Variants in INTS7 observed in about 807,000 individuals in gnomAD.
The protein encoded by INTS7 is integrator complex subunit 7, also known as chromosome 1 open reading frame 73.
In INTS7, 46 loss-of-function variants were observed where a neutral mutation model predicts 109.2. The ratio of observed to expected loss-of-function variants is 0.42; its 90% CI spans 0.33 to 0.54. INTS7 has a LOEUF of 0.54. Ranked by LOEUF, INTS7 falls within the 20% of genes least tolerant of loss-of-function variation. The pLI is 0.07. For missense variants in INTS7, 929 were observed against 1,132.4 expected (o/e 0.82, Z 2.58); for synonymous variants, 412 against 402.9 (o/e 1.02, Z -0.27).
intron 7 of INTS7, among the ~76,000 whole-genome samples, chr1:211,989,451 G>A (rs914847739): frequency 6.6e-6 from 1 of 151,396 alleles, no homozygotes; most frequent in South Asian, 2.1e-4. Context: ...ACAATACAAA[G>A]TAAAAAGATA....
Position 211,982,822 on chromosome 1 carries a change from G to A in INTS7, c.998-12C>T, listed in dbSNP as rs949669648. Reference sequence around the variant, plus strand: ...AGAACTCACATTTCCTAAAAAAGCAGAGAAAAGTAGTAGAAATTGTAATTC... The same window carrying A: ...AGAACTCACATTTCCTAAAAAAGCAAAGAAAAGTAGTAGAAATTGTAATTC... On this transcript the variant is annotated splice_polypyrimidine_tract_variant and intron_variant, in intron 8 of 19. Coordinates refer to ENST00000366994, the MANE Select transcript of INTS7 (RefSeq NM_015434.4). The A allele has an allele frequency of 1.3e-6, 2 of 1,593,606 alleles. No individual in the cohort carries two copies. The highest frequency in any genetic ancestry group is 2.7e-5 in the African/African-American group (2 of 74,046).
chr1:212,020,986 G>A (rs571987230), intron 2 of INTS7, 97 bp downstream of exon 2: 9 of 1,107,312 alleles, frequency 8.1e-6, no homozygotes, highest in African/African-American at 3.2e-5. Flanking sequence ...TAACTAACCA[G>A]GTGGAAGTAC....
At chr1:212,012,114 G>A (rs1434751991) in intron 4 of INTS7, among the ~76,000 whole-genome samples, 1 of 152,114 alleles carries the variant, frequency 6.6e-6, no homozygotes, top group Non-Finnish European at 1.5e-5. Flanking sequence ...TGGAGTGGAC[G>A]TGCTTCAGTT....
At position 211,983,581 on chromosome 1, in the gene INTS7, C is replaced by T. The variant is rs533291153; in HGVS notation, c.998-771G>A. Among the ~76,000 whole-genome samples the T allele has an allele frequency of 4.6e-5, 7 of 152,296 alleles. No homozygotes were observed. The South Asian group carries it at 1.4e-3, about 32-fold the overall frequency. ...CTTCAAGAAAACAAGGAGATTAGGG[C>T]TTGTTCAACTACTTAAAAGAGTCTC... On this transcript the variant is annotated intron_variant, in intron 8 of 19. Coordinates refer to ENST00000366994, the MANE Select transcript of INTS7 (RefSeq NM_015434.4).
intron 7 of INTS7, among the ~76,000 whole-genome samples, chr1:211,996,454 C>G (rs914528437): frequency 6.6e-6 from 1 of 151,804 alleles, no homozygotes; most frequent in African/African-American, 2.4e-5. Context: ...AAAATGTCTT[C>G]TTTTCAAACC....
chr1:212,008,674 G>A (rs1666040478), intron 5 of INTS7, among the ~76,000 whole-genome samples: 1 of 152,060 alleles, frequency 6.6e-6, no homozygotes. Flanking sequence ...GTATTAATAA[G>A]GCTCAAAGAG....
chr1:212,003,445 A>G (rs1382455003), intron 7 of INTS7, among the ~76,000 whole-genome samples: 2 of 152,178 alleles, frequency 1.3e-5, no homozygotes, highest in Non-Finnish European at 2.9e-5. Flanking sequence ...ATTGAGGACA[A>G]AATGAAAGCA....
chr1:212,016,699 T>C (rs1489987559), intron 4 of INTS7, among the ~76,000 whole-genome samples, 187 bp downstream of exon 4: 2 of 152,248 alleles, frequency 1.3e-5, no homozygotes, highest in South Asian at 2.1e-4. Context: ...ACATTTGTAC[T>C]TACATTTTCC....
At chr1:212,013,467 T>C (rs1320195499) in intron 4 of INTS7, among the ~76,000 whole-genome samples, 1 of 152,226 alleles carries the variant, frequency 6.6e-6, no homozygotes, top group East Asian at 1.9e-4. Flanking sequence ...AGTTAAAAAG[T>C]TATAGCAAGG....
At chr1:211,984,725 G>C (rs1018889006) in intron 8 of INTS7, among the ~76,000 whole-genome samples, 2 of 152,106 alleles carry the variant, frequency 1.3e-5, no homozygotes, top group African/African-American at 4.8e-5. Context: ...AATGTTATCA[G>C]CTTCTTGTGT....
chr1:212,000,783 C>T (rs3009994), intron 7 of INTS7, among the ~76,000 whole-genome samples: 6,575 of 152,192 alleles, frequency 0.043, 190 homozygotes, highest in African/African-American at 0.074. Context: ...TCACAAGAGA[C>T]TTTCTATAAC....
chr1:211,951,603 G>A (rs1663095408), intron 17 of INTS7, among the ~76,000 whole-genome samples: 1 of 152,144 alleles, frequency 6.6e-6, no homozygotes, highest in East Asian at 1.9e-4. Flanking sequence ...ACCGCACCCG[G>A]CCAGGATGAG....
intron 13 of INTS7, among the ~76,000 whole-genome samples, chr1:211,973,918 C>G (rs919677979): frequency 3.3e-5 from 5 of 152,104 alleles, no homozygotes; most frequent in Non-Finnish European, 2.9e-5. Flanking sequence ...ATGGCAGAAC[C>G]AAGACTAAGA....
chr1:212,032,787 T>TTATCTTTC (rs1667231268), intron 1 of INTS7, among the ~76,000 whole-genome samples: 1 of 152,134 alleles, frequency 6.6e-6, no homozygotes, highest in South Asian at 2.1e-4. Flanking sequence ...CTGACTCTGG[T>TTATCTTTC]TATCTTTCTA....
chr1:211,945,024 A>G (rs2993540), intron 18 of INTS7, 55 bp from the exon 19 acceptor site: 56,278 of 1,548,050 alleles, frequency 0.036, 1,233 homozygotes, highest in African/African-American at 0.075. Flanking sequence ...CTTCCTTCCG[A>G]CAAACATGTC....
intron 7 of INTS7, among the ~76,000 whole-genome samples, chr1:211,994,423 C>CT (rs1281380292): frequency 0.097 from 12,958 of 133,610 alleles, 627 homozygotes; most frequent in East Asian, 0.12. Context: ...AAAAAATTCT[C>CT]TTTTTTTTTT....
intron 7 of INTS7, among the ~76,000 whole-genome samples, chr1:212,000,102 C>T (rs1353690924): frequency 6.7e-6 from 1 of 149,684 alleles, no homozygotes; most frequent in African/African-American, 2.5e-5. Flanking sequence ...GAGACTCTGT[C>T]TCAAAGAAAA....
In INTS7 at chr1:212,002,478, T is replaced by C. The variant is rs115318978; in HGVS notation, c.879+4161A>G. Among the ~76,000 whole-genome samples the C allele has an allele frequency of 2.7e-3, 414 of 152,350 alleles. 4 individuals carry two copies. The highest frequency in any genetic ancestry group is 9.7e-3 in the African/African-American group (404 of 41,588). On this transcript the variant is annotated intron_variant, in intron 7 of 19. Coordinates refer to ENST00000366994, the MANE Select transcript of INTS7 (RefSeq NM_015434.4). ...TTAAGAAGGACTCAAAGGCCCTAAA[T>C]GCCTATTCTTCCCTACCATCACCTA...
intron 10 of INTS7, among the ~76,000 whole-genome samples, chr1:211,980,542 C>T (rs565308189): frequency 6.6e-6 from 1 of 152,236 alleles, no homozygotes; most frequent in Non-Finnish European, 1.5e-5. Flanking sequence ...CTCAAGCAAT[C>T]CTCTCACCTC....
Sources: gnomAD v4.1 joint callset for allele counts (sites outside exome capture counted in the v4.1 genomes callset) on GRCh38, gnomAD v4.1.1 for gene constraint, MANE v1.5 for transcripts, NCBI Gene and HGNC (gene_info 2026-07-23, HGNC 2026-07-21) for gene names.